The following DDR2 variants were observed in gnomAD, a reference collection of about 807,000 sequenced individuals.
The protein encoded by DDR2 is discoidin domain receptor tyrosine kinase 2.
In DDR2, 27 loss-of-function variants were observed where a neutral mutation model predicts 94.9. The observed-to-expected ratio is 0.28, with a 90% confidence interval of 0.21 to 0.39. The LOEUF is 0.39. Ranked by LOEUF, DDR2 falls within the 10% of genes least tolerant of loss-of-function variation. The pLI is 1.00. For missense variants in DDR2, 783 were observed against 1,076.0 expected (o/e 0.73, Z 3.81); for synonymous variants, 382 against 377.2 (o/e 1.01, Z -0.15).
At chr1:162,707,985 A>G (rs1353471066) in intron 2 of DDR2, among the ~76,000 whole-genome samples, 1 of 152,190 alleles carries the variant, frequency 6.6e-6, no homozygotes, top group African/African-American at 2.4e-5. Flanking sequence ...TTCCTCACTC[A>G]TGACATTTCT....
intron 2 of DDR2, among the ~76,000 whole-genome samples, chr1:162,685,266 A>G (rs967764794): frequency 1.3e-5 from 2 of 152,220 alleles, no homozygotes; most frequent in Non-Finnish European, 2.9e-5. Context: ...AGAGTGAAGC[A>G]GAAGTATCTG....
Position 162,683,540 on chromosome 1 carries a change from A to G in DDR2, c.-28+28166A>G, listed in dbSNP as rs188845880. On this transcript the variant is annotated intron_variant, in intron 2 of 17. Coordinates refer to ENST00000367921, the MANE Select transcript of DDR2 (RefSeq NM_006182.4). ...AAATCAATTGTACGTCTACATACCT[A>G]TAATGAACATGCTGACACCAGAATA... Among the ~76,000 whole-genome samples the G allele has an allele frequency of 2.5e-3, 379 of 152,300 alleles. 2 individuals carry two copies. Among genetic ancestry groups the G allele is most frequent in the African/African-American group, 8.7e-3 (360 of 41,576 alleles).
At chr1:162,720,999 A>T (rs576881836) in intron 3 of DDR2, among the ~76,000 whole-genome samples, 19 of 152,208 alleles carry the variant, frequency 1.2e-4, no homozygotes, top group Non-Finnish European at 2.6e-4. Context: ...TTCTCGTAAT[A>T]AGCTCAGCTG....
At chr1:162,778,808 A>G in intron 17 of DDR2, 79 bp downstream of exon 17, 2 of 1,584,650 alleles carry the variant, frequency 1.3e-6, no homozygotes, top group East Asian at 4.5e-5. Flanking sequence ...CCTTAGCAGG[A>G]GTGGGCCGAG....
Position 162,658,759 on chromosome 1 carries a change from T to G in DDR2, c.-28+3385T>G, listed in dbSNP as rs149740932. On this transcript the variant is annotated intron_variant, in intron 2 of 17. Coordinates refer to ENST00000367921, the MANE Select transcript of DDR2 (RefSeq NM_006182.4). ...TGAAGAATGGTTTGAGCCTGGGAGG[T>G]TGAGGCATGGTAAGCCCTGTTCACA... Among the ~76,000 whole-genome samples the G allele has an allele frequency of 1.6e-3, 241 of 149,520 alleles. 2 individuals are homozygous for G. The highest frequency in any genetic ancestry group is 0.014 in the Admixed American group (214 of 14,864).
chr1:162,769,531 A>T (rs1217296430), intron 11 of DDR2, among the ~76,000 whole-genome samples: 2 of 152,228 alleles, frequency 1.3e-5, no homozygotes, highest in East Asian at 3.8e-4. Flanking sequence ...CCTTCAGTCT[A>T]GTGGAAAAGT....
intron 2 of DDR2, among the ~76,000 whole-genome samples, chr1:162,703,238 C>A (rs574248697): frequency 6.6e-6 from 1 of 151,976 alleles, no homozygotes; most frequent in African/African-American, 2.4e-5. Context: ...ATGAGATAAA[C>A]GTATTATATT....
intron 11 of DDR2, among the ~76,000 whole-genome samples, chr1:162,768,849 C>T (rs576710229): frequency 5.3e-5 from 8 of 152,322 alleles, no homozygotes; most frequent in Admixed American, 3.3e-4. Flanking sequence ...GAGACTCACT[C>T]GCTGTCACGA....
intron 3 of DDR2, among the ~76,000 whole-genome samples, chr1:162,746,497 C>T (rs1332370940): frequency 6.6e-6 from 1 of 152,230 alleles, no homozygotes; most frequent in Non-Finnish European, 1.5e-5. Flanking sequence ...GTACCCATCA[C>T]AGCTCAACCA....
chr1:162,646,239 C>A (rs1657402146), intron 1 of DDR2, among the ~76,000 whole-genome samples: 1 of 152,156 alleles, frequency 6.6e-6, no homozygotes. Context: ...TCCTAGAACT[C>A]TTGTGGACTG....
intron 2 of DDR2, among the ~76,000 whole-genome samples, chr1:162,699,556 T>C (rs1036488622): frequency 6.6e-6 from 1 of 152,204 alleles, no homozygotes; most frequent in African/African-American, 2.4e-5. Context: ...CGAGGCTAAA[T>C]GTGGTTGTGC....
chr1:162,685,003 C>T (rs1444539769), intron 2 of DDR2, among the ~76,000 whole-genome samples: 1 of 152,104 alleles, frequency 6.6e-6, no homozygotes, highest in East Asian at 1.9e-4. Flanking sequence ...CCCTCTCGGG[C>T]TAGTGAGATA....
intron 2 of DDR2, among the ~76,000 whole-genome samples, chr1:162,710,788 A>AC (rs56411636): frequency 1.3e-5 from 2 of 151,662 alleles, no homozygotes; most frequent in African/African-American, 2.4e-5. Context: ...ACACACACAC[A>AC]AACATTGTAT....
intron 3 of DDR2, among the ~76,000 whole-genome samples, chr1:162,728,630 T>C (rs1157587680): frequency 1.3e-5 from 2 of 152,186 alleles, no homozygotes; most frequent in Admixed American, 1.3e-4. Flanking sequence ...AGGTTCCTTT[T>C]GCTATCACAT....
In DDR2 at chr1:162,733,041, C is replaced by T. The variant is rs891473805; in HGVS notation, c.82+13896C>T. Among the ~76,000 whole-genome samples, 8 of 152,292 alleles carry T rather than the reference C, an allele frequency of 5.3e-5. No homozygotes were observed. In the South Asian group the frequency reaches 1.0e-3, roughly 20 times the overall value. ...GGAAAAGTGAATTGGCTTCTCTGTC[C>T]GGGAGATTGGTGGGTAGCGGAAGCA... On this transcript the variant is annotated intron_variant, in intron 3 of 17. Transcript: ENST00000367921.
At chr1:162,640,022 A>G (rs1312367405) in intron 1 of DDR2, among the ~76,000 whole-genome samples, 1 of 152,040 alleles carries the variant, frequency 6.6e-6, no homozygotes, top group East Asian at 1.9e-4. Context: ...CCTAAGACAA[A>G]CAATGTACTT....
At chr1:162,763,699 T>C (rs1169222733) in intron 9 of DDR2, among the ~76,000 whole-genome samples, 1 of 152,144 alleles carries the variant, frequency 6.6e-6, no homozygotes, top group Non-Finnish European at 1.5e-5. Context: ...AACTGGGTAG[T>C]AGGGATGCTC....
chr1:162,743,058 G>C (rs913564382), intron 3 of DDR2, among the ~76,000 whole-genome samples: 7 of 152,094 alleles, frequency 4.6e-5, no homozygotes, highest in African/African-American at 1.7e-4. Context: ...CATATCAGAT[G>C]GTGAACATAG....
At chr1:162,732,761 G>A (rs1662120279) in intron 3 of DDR2, among the ~76,000 whole-genome samples, 1 of 152,250 alleles carries the variant, frequency 6.6e-6, no homozygotes. Flanking sequence ...CCTGGAAGCT[G>A]CATATAGGAC....
Sources: gnomAD v4.1 joint callset for allele counts (sites outside exome capture counted in the v4.1 genomes callset) on GRCh38, gnomAD v4.1.1 for gene constraint, MANE v1.5 for transcripts, NCBI Gene and HGNC (gene_info 2026-07-23, HGNC 2026-07-21) for gene names.